RBFOX1: variants seen among roughly 807,000 people sequenced by gnomAD.
RBFOX1 encodes the protein RNA binding fox-1 homolog 1, also known as RNA binding protein fox-1 homolog 1.
RBFOX1 carries 8 observed loss-of-function variants against 57.7 expected under a neutral mutation model. That is an observed-to-expected ratio of 0.14 (90% CI 0.08 to 0.25). RBFOX1 has a LOEUF of 0.25. Ranked by LOEUF, RBFOX1 falls within the 10% of genes least tolerant of loss-of-function variation. The pLI, the probability that RBFOX1 is intolerant of heterozygous loss-of-function variation, is 1.00. For missense variants in RBFOX1, 611 were observed against 548.5 expected (o/e 1.11, Z -1.14); for synonymous variants, 326 against 222.4 (o/e 1.47, Z -4.15).
chr16:6,757,461 C>G (rs1445446155), intron 3 of RBFOX1, among the ~76,000 whole-genome samples: 1 of 152,042 alleles, frequency 6.6e-6, no homozygotes, highest in South Asian at 2.1e-4. Context: ...ACTATTCAGC[C>G]CTGAAAAAGG....
At chr16:6,024,332 A>G (rs1054481820) in intron 1 of RBFOX1, among the ~76,000 whole-genome samples, 1 of 152,126 alleles carries the variant, frequency 6.6e-6, no homozygotes, top group Non-Finnish European at 1.5e-5. Context: ...GTTGAAATAT[A>G]TTTTCATAAG....
chr16:6,761,338 A>G (rs555525440), intron 3 of RBFOX1, among the ~76,000 whole-genome samples: 4 of 152,174 alleles, frequency 2.6e-5, no homozygotes, highest in East Asian at 3.9e-4. Flanking sequence ...TCACTTGTAT[A>G]TGTTTAAGAA....
At chr16:6,806,230 C>G (rs1603627163) in intron 3 of RBFOX1, among the ~76,000 whole-genome samples, 2 of 152,170 alleles carry the variant, frequency 1.3e-5, no homozygotes, top group East Asian at 1.9e-4. Flanking sequence ...TGTTCTATAG[C>G]CAGTATTTGT....
chr16:6,707,973 A>C (rs559561675), intron 3 of RBFOX1, among the ~76,000 whole-genome samples: 3 of 152,294 alleles, frequency 2.0e-5, no homozygotes, highest in African/African-American at 7.2e-5. Context: ...GCATTGTAAA[A>C]GAAAACCTAG....
At chr16:7,357,528 C>T (rs892483458) in intron 4 of RBFOX1, among the ~76,000 whole-genome samples, 5 of 152,296 alleles carry the variant, frequency 3.3e-5, no homozygotes, top group African/African-American at 7.2e-5. Context: ...TGAAATCCAA[C>T]CACCTCCACC....
At chr16:7,630,509 C>T (rs2060780173) in intron 10 of RBFOX1, 94 bp from the exon 11 acceptor site, 2 of 1,566,374 alleles carry the variant, frequency 1.3e-6, no homozygotes, top group Admixed American at 3.7e-5. Flanking sequence ...GCTATGTTTT[C>T]ATTTCTCTGC....
At chr16:6,319,861 A>C (rs1032848942) in intron 2 of RBFOX1, among the ~76,000 whole-genome samples, 1 of 152,194 alleles carries the variant, frequency 6.6e-6, no homozygotes, top group Admixed American at 6.5e-5. Context: ...TTTTCCTATC[A>C]GGCTAAAAAT....
At chr16:5,669,356 T>C (rs1183028581) in intron 3 of RBFOX1, among the ~76,000 whole-genome samples, 2 of 151,128 alleles carry the variant, frequency 1.3e-5, no homozygotes, top group Non-Finnish European at 2.9e-5. Flanking sequence ...TTGGGCTCTT[T>C]GGGTTCACCT....
intron 4 of RBFOX1, among the ~76,000 whole-genome samples, chr16:6,000,823 GGGT>G (rs1406442788): frequency 2.0e-5 from 3 of 147,882 alleles, no homozygotes; most frequent in African/African-American, 7.5e-5. Flanking sequence ...ATGAGTTGGT[GGGT>G]GGATGGATGG....
At chr16:6,360,028 T>G (rs1171268670) in intron 2 of RBFOX1, among the ~76,000 whole-genome samples, 2 of 152,314 alleles carry the variant, frequency 1.3e-5, no homozygotes, top group Non-Finnish European at 2.9e-5. Flanking sequence ...CAATTTTGCT[T>G]ATTTTCAATA....
chr16:7,705,583 G>T (rs964109652), intron 14 of RBFOX1, among the ~76,000 whole-genome samples: 2 of 152,194 alleles, frequency 1.3e-5, no homozygotes, highest in Non-Finnish European at 2.9e-5. Flanking sequence ...TTGAAAGAGG[G>T]ACAGAGGCAG....
At chr16:7,549,074 G>A (rs773597772) in intron 5 of RBFOX1, among the ~76,000 whole-genome samples, 2 of 152,216 alleles carry the variant, frequency 1.3e-5, no homozygotes, top group Admixed American at 6.5e-5. Flanking sequence ...CTGAAGAGGC[G>A]ACATTTAAGC....
intron 3 of RBFOX1, among the ~76,000 whole-genome samples, chr16:6,838,273 G>A (rs145744650): frequency 1.3e-5 from 2 of 152,180 alleles, no homozygotes; most frequent in African/African-American, 2.4e-5. Flanking sequence ...GTGAGAAGAT[G>A]TGGTGTTTGG....
chr16:5,917,496 T>G (rs1254029967), intron 4 of RBFOX1, among the ~76,000 whole-genome samples: 1 of 152,156 alleles, frequency 6.6e-6, no homozygotes, highest in Non-Finnish European at 1.5e-5. Context: ...CTCATAATGA[T>G]TGCAGTCAAA....
At chr16:5,276,575 G>T (rs1237333831) in intron 1 of RBFOX1, among the ~76,000 whole-genome samples, 3 of 152,196 alleles carry the variant, frequency 2.0e-5, no homozygotes, top group Non-Finnish European at 4.4e-5. Context: ...ACGAGGTCAG[G>T]AGTTTGAGAC....
At chr16:7,418,621 C>T (rs1163421970) in intron 4 of RBFOX1, among the ~76,000 whole-genome samples, 1 of 152,196 alleles carries the variant, frequency 6.6e-6, no homozygotes, top group Non-Finnish European at 1.5e-5. Context: ...TTCGTTGCCA[C>T]AGAGTATTAT....
intron 3 of RBFOX1, among the ~76,000 whole-genome samples, chr16:6,908,978 G>A (rs891221342): frequency 8.5e-5 from 13 of 152,252 alleles, no homozygotes; most frequent in Middle Eastern, 3.4e-3. Flanking sequence ...TGGGGGCTCC[G>A]TTCTTCTGCT....
chr16:5,291,424 T>G lies in RBFOX1; in HGVS notation c.219+51319T>G, dbSNP rs535362268. 5.4e-3 allele frequency among the ~76,000 whole-genome samples: 825 copies of G among 152,040 alleles called. 7 individuals carry two copies. The highest frequency in any genetic ancestry group is 8.9e-3 in the African/African-American group (370 of 41,440). ...ACTACAGGCACCCGCCACCACGCCC[T>G]GCTAATTTTTTTGTATTTTTAGTGG... On this transcript the variant is annotated intron_variant, in intron 1 of 2. Transcript: ENST00000585867.
intron 4 of RBFOX1, among the ~76,000 whole-genome samples, chr16:7,498,429 T>C (rs1048259668): frequency 1.4e-4 from 21 of 145,752 alleles, no homozygotes; most frequent in African/African-American, 5.2e-4. Flanking sequence ...GTCACAAATA[T>C]GAATCACATA....
Sources: allele counts gnomAD v4.1 joint callset (sites outside exome capture counted in the v4.1 genomes callset), GRCh38; gene constraint gnomAD v4.1.1; transcripts MANE v1.5; gene names NCBI Gene and HGNC (gene_info 2026-07-23, HGNC 2026-07-21).